Variants in EPHB2 observed in about 807,000 individuals in gnomAD.
The protein encoded by EPHB2 is ephrin type-B receptor 2.
Under a neutral mutation model 96.4 loss-of-function variants are expected in EPHB2, and 18 were observed. The ratio of observed to expected loss-of-function variants is 0.19; its 90% CI spans 0.13 to 0.28. The LOEUF (loss-of-function observed/expected upper bound fraction) is 0.28. Ranked by LOEUF, EPHB2 falls within the 10% of genes least tolerant of loss-of-function variation. The pLI is 1.00. For synonymous variants in EPHB2, 506 were observed against 534.1 expected, an observed-to-expected ratio of 0.95 and a Z score of 0.72; for missense variants, 989 against 1,355.4, an observed-to-expected ratio of 0.73 and a Z score of 4.25.
chr1:22,802,398 A>G (rs558569875), intron 3 of EPHB2, among the ~76,000 whole-genome samples: 8 of 152,126 alleles, frequency 5.3e-5, no homozygotes, highest in Admixed American at 2.0e-4. Flanking sequence ...TTTATGTATG[A>G]TGGAGGTGGG....
intron 1 of EPHB2, among the ~76,000 whole-genome samples, chr1:22,771,745 A>G (rs140026697): frequency 9.9e-4 from 151 of 152,276 alleles, no homozygotes; most frequent in African/African-American, 3.5e-3. Flanking sequence ...TGCCATGATG[A>G]TACTTCTTTA....
chr1:22,837,546 C>T (rs1186718080), intron 3 of EPHB2, among the ~76,000 whole-genome samples: 1 of 152,106 alleles, frequency 6.6e-6, no homozygotes, highest in Non-Finnish European at 1.5e-5. Context: ...AGTAACATAC[C>T]CAGAGTTGCA....
At position 22,739,216 on chromosome 1, in the gene EPHB2, G is replaced by GT. The variant is rs1327114130; in HGVS notation, c.61+28181dup. Among the ~76,000 whole-genome samples the GT allele has an allele frequency of 2.2e-4, 33 of 151,112 alleles. 1 individual carries two copies. Among genetic ancestry groups the GT allele is most frequent in the East Asian group, 1.2e-3 (6 of 5,114 alleles). On this transcript the variant is annotated intron_variant, in intron 1 of 15. Transcript: ENST00000374630. The stretch of plus-strand genomic sequence containing the variant: ...CCACCATGTCCAACTAATTCTTTTT[G>GT]TTTTTTTTCTTTTTTTTGAGACAGA...
intron 1 of EPHB2, chr1:22,774,678 T>G (rs1644422992): frequency 2.1e-6 from 2 of 934,050 alleles, no homozygotes; most frequent in Admixed American, 6.2e-5. Flanking sequence ...CTCGAGTACC[T>G]TGTTAAGAGC....
chr1:22,721,528 A>G (rs1643466400), intron 1 of EPHB2, among the ~76,000 whole-genome samples: 1 of 152,204 alleles, frequency 6.6e-6, no homozygotes, highest in African/African-American at 2.4e-5. Context: ...AGTCTAAAAA[A>G]GGCAGGTGCT....
rs34633057 is a variant in EPHB2 at position 22,804,303 on chromosome 1, CCAATCAAT to C, written c.811+19240_811+19247del. On this transcript the variant is annotated intron_variant, in intron 3 of 15. Transcript: ENST00000374630. Reference sequence around the variant, plus strand: ...GGGATGGATGCATGGATGGAGAAAACCAATCAATCAATCAATCAATTCTTCCTTACCTA... The same window carrying C: ...GGGATGGATGCATGGATGGAGAAAACCAATCAATCAATTCTTCCTTACCTA... Among the ~76,000 whole-genome samples the C allele has an allele frequency of 2.0e-5, 3 of 151,818 alleles. No individual in the cohort carries two copies. The East Asian group carries it at 5.8e-4, about 29-fold the overall frequency.
rs1482609364 is a variant in EPHB2, at chr1:22,790,935, G to T, written c.811+5859G>T. Reference sequence around the variant, plus strand: ...TGCCCTGCCCTGCTGTGCAGCCCCTGCTCTCTCCCCAGCTCATGGCCTCTC... The same window carrying T: ...TGCCCTGCCCTGCTGTGCAGCCCCTTCTCTCTCCCCAGCTCATGGCCTCTC... On this transcript the variant is annotated intron_variant, in intron 3 of 15. Coordinates refer to ENST00000374630, the MANE Select transcript of EPHB2 (RefSeq NM_017449.5). The surrounding 1 kb of genome is among the most constrained non-coding windows in gnomAD (Gnocchi z 4.0). Among the ~76,000 whole-genome samples the T allele has an allele frequency of 1.2e-4, 18 of 152,132 alleles. No homozygotes were observed. Among genetic ancestry groups the T allele is most frequent in the Admixed American group, 1.1e-3 (17 of 15,286 alleles).
rs1640394643 is a variant in EPHB2 at position 22,921,479 on chromosome 1, T to G, written c.*7909T>G. 6.6e-6 allele frequency: 1 copy of G among 152,138 alleles called. No individual in the cohort carries two copies. Among genetic ancestry groups the G allele is most frequent in the South Asian group, 2.1e-4 (1 of 4,820 alleles). The allele number at this position is 152,138 out of a possible 1,614,324, so 9.4% of individuals were successfully genotyped here. The stretch of plus-strand genomic sequence containing the variant: ...TAGCAGAACCGTTTTTTTCCCAAAA[T>G]AAATGTGAATTGTAAAAATTATCAC... On this transcript the variant is annotated 3_prime_UTR_variant, in exon 16 of 16. Transcript: ENST00000374630.
At chr1:22,763,796 G>C (rs1258022357) in intron 1 of EPHB2, among the ~76,000 whole-genome samples, 1 of 152,114 alleles carries the variant, frequency 6.6e-6, no homozygotes, top group Non-Finnish European at 1.5e-5. Flanking sequence ...ATGGCCAGCG[G>C]GGGGTGAAGG....
chr1:22,829,064 A>G (rs1192442294), intron 3 of EPHB2, among the ~76,000 whole-genome samples: 2 of 152,274 alleles, frequency 1.3e-5, no homozygotes, highest in African/African-American at 4.8e-5. Flanking sequence ...GTAGTGTCAC[A>G]TCAAGAATTA....
intron 3 of EPHB2, among the ~76,000 whole-genome samples, chr1:22,849,126 C>G (rs919421125): frequency 2.6e-5 from 4 of 152,104 alleles, no homozygotes; most frequent in Non-Finnish European, 4.4e-5. Flanking sequence ...TCTGTTAATA[C>G]CCCACTCCCA....
intron 1 of EPHB2, among the ~76,000 whole-genome samples, chr1:22,722,557 CT>C (rs1391400854): frequency 6.6e-6 from 1 of 152,214 alleles, no homozygotes; most frequent in Non-Finnish European, 1.5e-5. Flanking sequence ...TGGGGAGTCT[CT>C]TTCCCTGTAA....
chr1:22,801,213 G>A (rs1041345994), intron 3 of EPHB2, among the ~76,000 whole-genome samples: 2 of 152,176 alleles, frequency 1.3e-5, no homozygotes, highest in Non-Finnish European at 2.9e-5. Flanking sequence ...AAGGCTGGAG[G>A]TTCTCTCTCA....
chr1:22,821,114 C>G (rs557426918), intron 3 of EPHB2, among the ~76,000 whole-genome samples: 2 of 152,324 alleles, frequency 1.3e-5, no homozygotes, highest in South Asian at 2.1e-4. Flanking sequence ...TGCTAACCCT[C>G]CAACCATCGC....
chr1:22,761,953 C>T (rs530444316), intron 1 of EPHB2, among the ~76,000 whole-genome samples: 1 of 152,384 alleles, frequency 6.6e-6, no homozygotes, highest in South Asian at 2.1e-4. Context: ...CGTTGCCTTG[C>T]TCAGTGTGTG....
At chr1:22,848,541 A>AC (rs1398373560) in intron 3 of EPHB2, among the ~76,000 whole-genome samples, 2 of 151,894 alleles carry the variant, frequency 1.3e-5, no homozygotes, top group African/African-American at 4.8e-5. Flanking sequence ...GTCAACTCAA[A>AC]CCCCCAGGTC....
chr1:22,778,714 CCCACTGCTTTGGG>C lies in EPHB2; in HGVS notation c.62-2690_62-2678del, dbSNP rs939682880. Among the ~76,000 whole-genome samples, 8 of 152,336 alleles carry C rather than the reference CCCACTGCTTTGGG, an allele frequency of 5.3e-5. No individual in the cohort carries two copies. In the East Asian group the frequency reaches 7.7e-4, roughly 15 times the overall value. ...TTACTTCCAGTCCTTCTGAGATCCT[CCCACTGCTTTGGG>C]CCACTGCTTTGGGCCAGGAGAGGTA... On this transcript the variant is annotated intron_variant, in intron 1 of 15. Coordinates refer to ENST00000374630, the MANE Select transcript of EPHB2 (RefSeq NM_017449.5).
intron 3 of EPHB2, among the ~76,000 whole-genome samples, chr1:22,852,239 G>A (rs1008980910): frequency 2.6e-5 from 4 of 152,234 alleles, no homozygotes; most frequent in African/African-American, 7.2e-5. Context: ...ACCCTGTATA[G>A]TGTGGCCCCA....
chr1:22,833,681 A>G (rs1645339657), intron 3 of EPHB2, among the ~76,000 whole-genome samples: 1 of 152,236 alleles, frequency 6.6e-6, no homozygotes, highest in South Asian at 2.1e-4. Context: ...GAATTAAGAA[A>G]GGAGAAAAAA....
Sources: allele counts gnomAD v4.1 joint callset (sites outside exome capture counted in the v4.1 genomes callset), GRCh38; gene constraint gnomAD v4.1.1; non-coding constraint Gnocchi (gnomAD v3.1); transcripts MANE v1.5; gene names NCBI Gene and HGNC (gene_info 2026-07-23, HGNC 2026-07-21).